The following AVEN variants were observed in gnomAD, a reference collection of about 807,000 sequenced individuals.
AVEN encodes the protein cell death regulator Aven.
In AVEN, 41 loss-of-function variants were observed where a neutral mutation model predicts 38.1. The observed-to-expected ratio is 1.08, with a 90% confidence interval of 0.84 to 1.40. The LOEUF (loss-of-function observed/expected upper bound fraction) is 1.40. Among genes scored for constraint, AVEN ranks in the 40% most tolerant of loss-of-function variants. AVEN has a pLI of 0.00. For synonymous variants in AVEN, 206 were observed against 171.8 expected (o/e 1.20, Z -1.56); for missense variants, 605 against 438.8 (o/e 1.38, Z -3.38).
chr15:33,867,344 G>T, intron 5 of AVEN, 151 bp downstream of exon 5: 1 of 1,153,208 alleles, frequency 8.7e-7, no homozygotes, highest in Non-Finnish European at 1.2e-6. Context: ...TCAGGGGGAA[G>T]CAGAGACGTG....
chr15:33,860,496 C>CTT (rs57641933), intron 11 of AVEN: 891 of 553,224 alleles, frequency 1.6e-3, no homozygotes, highest in East Asian at 6.9e-3. Context: ...TGATAATTCA[C>CTT]TTTTTTTTTT....
exon 2 of AVEN, among the ~76,000 whole-genome samples, chr15:34,070,640 A>C (rs1352180341): frequency 6.6e-6 from 1 of 152,188 alleles, no homozygotes; most frequent in Non-Finnish European, 1.5e-5. Flanking sequence ...CATTGAGCTA[A>C]GGATGTGGGT....
At chr15:33,875,890 G>C (rs747981234) in intron 3 of AVEN, 35 bp downstream of exon 3, 31 of 1,574,962 alleles carry the variant, frequency 2.0e-5, no homozygotes, top group African/African-American at 1.1e-4. Context: ...CCTTGAAGAA[G>C]AGCCAGTCCA....
At chr15:34,025,798 C>T (rs931512352) in intron 1 of AVEN, among the ~76,000 whole-genome samples, 3 of 143,658 alleles carry the variant, frequency 2.1e-5, no homozygotes, top group East Asian at 1.9e-4. Flanking sequence ...ATGTGTAAAG[C>T]GGAGGAAGGA....
intron 1 of AVEN, among the ~76,000 whole-genome samples, chr15:34,015,233 C>T (rs916221931): frequency 3.9e-5 from 6 of 152,148 alleles, no homozygotes; most frequent in African/African-American, 7.2e-5. Flanking sequence ...CCTGTAATCC[C>T]AGCACTTTCG....
At chr15:33,863,352 G>A (rs1477899175), downstream of AVEN, among the ~76,000 whole-genome samples, 2 of 152,154 alleles carry the variant, frequency 1.3e-5, no homozygotes, top group East Asian at 1.9e-4. Context: ...AGCTGCTACT[G>A]TGGGCCAGGA....
intron 2 of AVEN, among the ~76,000 whole-genome samples, chr15:33,932,850 T>TAAATAAATA (rs1893902156): frequency 6.6e-6 from 1 of 151,350 alleles, no homozygotes; most frequent in South Asian, 2.1e-4. Context: ...AATAAATAAA[T>TAAATAAATA]AAATAAATAA....
At chr15:33,869,719 C>A (rs1890852931) in intron 4 of AVEN, among the ~76,000 whole-genome samples, 2 of 152,146 alleles carry the variant, frequency 1.3e-5, no homozygotes, top group Admixed American at 6.5e-5. Context: ...AATGGGTAAC[C>A]AATTCATTAC....
At chr15:33,968,262 G>A (rs1185761623) in intron 2 of AVEN, among the ~76,000 whole-genome samples, 1 of 151,786 alleles carries the variant, frequency 6.6e-6, no homozygotes, top group Non-Finnish European at 1.5e-5. Flanking sequence ...AATAACTCTT[G>A]CCCATTCTAC....
intron 1 of AVEN, among the ~76,000 whole-genome samples, chr15:34,008,952 G>GCACACA (rs142138959): frequency 2.0e-4 from 19 of 95,586 alleles, no homozygotes; most frequent in East Asian, 1.6e-3. Context: ...ACGTGCGCGC[G>GCACACA]CGCACACACA....
intron 2 of AVEN, among the ~76,000 whole-genome samples, chr15:33,952,238 AG>A (rs1894779647): frequency 6.6e-6 from 1 of 152,184 alleles, no homozygotes. Flanking sequence ...CACATCAAAA[AG>A]GGGAAAAAAA....
intron 2 of AVEN, among the ~76,000 whole-genome samples, chr15:33,939,606 A>G (rs754953339): frequency 6.6e-6 from 1 of 152,342 alleles, no homozygotes; most frequent in Non-Finnish European, 1.5e-5. Flanking sequence ...TGCTTTCAAA[A>G]TAGCTGTGAA....
At chr15:33,891,891 G>A (rs1891988065) in intron 2 of AVEN, among the ~76,000 whole-genome samples, 1 of 152,148 alleles carries the variant, frequency 6.6e-6, no homozygotes, top group Non-Finnish European at 1.5e-5. Context: ...TCCAGCATCT[G>A]TTGTTTCCTG....
chr15:34,050,375 C>T (rs1027863936), intron 5 of AVEN, among the ~76,000 whole-genome samples: 3 of 152,130 alleles, frequency 2.0e-5, no homozygotes, highest in Non-Finnish European at 4.4e-5. Context: ...AAAGAAAACC[C>T]GTTACCGGAC....
At chr15:33,864,530 TGA>T (rs1453801123), downstream of AVEN, among the ~76,000 whole-genome samples, 1 of 151,786 alleles carries the variant, frequency 6.6e-6, no homozygotes, top group Admixed American at 6.6e-5. Context: ...TACAACGGAG[TGA>T]GAGACAGGCT....
chr15:33,995,206 G>A (rs1454548290), intron 2 of AVEN, among the ~76,000 whole-genome samples: 1 of 152,168 alleles, frequency 6.6e-6, no homozygotes, highest in Non-Finnish European at 1.5e-5. Flanking sequence ...CAAGGCTGCA[G>A]TGAGCTATGA....
intron 2 of AVEN, among the ~76,000 whole-genome samples, chr15:33,911,292 G>T (rs1245187108): frequency 1.3e-5 from 2 of 152,132 alleles, no homozygotes; most frequent in Non-Finnish European, 2.9e-5. Context: ...GCTGGTGCCA[G>T]ACACCCCTTG....
Position 34,063,987 on chromosome 15 carries a change from C to G in AVEN, n.1127-555G>C. On this transcript the variant is annotated intron_variant and non_coding_transcript_variant, in intron 4 of 11. Coordinates refer to the AVEN transcript ENST00000675287. The surrounding 1 kb of genome is among the most constrained non-coding windows in gnomAD (Gnocchi z 4.1). ...GAAAGGCCTCAATCCCAACCCCAGCCATCAAATGACCAAACGAAAGAGAGT... is the reference window on the plus strand; with the variant it reads ...GAAAGGCCTCAATCCCAACCCCAGCGATCAAATGACCAAACGAAAGAGAGT... 6.2e-7 allele frequency: 1 copy of G among 1,614,206 alleles called. No individual in the cohort carries two copies. The highest frequency in any genetic ancestry group is 8.5e-7 in the Non-Finnish European group (1 of 1,180,038).
chr15:34,010,279 A>G (rs568263494), intron 1 of AVEN, among the ~76,000 whole-genome samples: 1 of 152,310 alleles, frequency 6.6e-6, no homozygotes, highest in South Asian at 2.1e-4. Context: ...TGAACAGTAT[A>G]TTTGGACAAC....
Sources: gnomAD v4.1 joint callset for allele counts (sites outside exome capture counted in the v4.1 genomes callset) on GRCh38, gnomAD v4.1.1 for gene constraint, Gnocchi (gnomAD v3.1) non-coding constraint, MANE v1.5 for transcripts, NCBI Gene and HGNC (gene_info 2026-07-23, HGNC 2026-07-21) for gene names.